Variants in HMGCLL1 observed in about 807,000 individuals in gnomAD.
HMGCLL1 encodes the protein 3-hydroxy-3-methylglutaryl-CoA lyase like 1, also known as 3-hydroxymethyl-3-methylglutaryl-CoA lyase, cytoplasmic.
HMGCLL1 carries 36 observed loss-of-function variants against 39.1 expected under a neutral mutation model. That is an observed-to-expected ratio of 0.92 (90% CI 0.71 to 1.22). The LOEUF (loss-of-function observed/expected upper bound fraction) is 1.22. HMGCLL1 is among the 50% of genes most tolerant of loss of function. HMGCLL1 has a pLI of 0.00. For synonymous variants in HMGCLL1, 149 were observed against 144.0 expected, an observed-to-expected ratio of 1.03 and a Z score of -0.25; for missense variants, 451 against 416.5, an observed-to-expected ratio of 1.08 and a Z score of -0.72.
intron 3 of HMGCLL1, among the ~76,000 whole-genome samples, chr6:55,521,267 A>G (rs1227660144): frequency 6.6e-6 from 1 of 152,122 alleles, no homozygotes; most frequent in Non-Finnish European, 1.5e-5. Context: ...GATAATGCAT[A>G]TGAGAATGCA....
the HMGCLL1 span, among the ~76,000 whole-genome samples, chr6:55,646,406 T>A: frequency 5.5e-3 from 839 of 151,940 alleles, 2 homozygotes; most frequent in Non-Finnish European, 7.7e-3. Flanking sequence ...TTGTCTGATC[T>A]TTATTATTTC....
At chr6:55,490,983 T>G in intron 7 of HMGCLL1, among the ~76,000 whole-genome samples, 1 of 152,134 alleles carries the variant, frequency 6.6e-6, no homozygotes, top group East Asian at 1.9e-4. Flanking sequence ...TTCAGACTTC[T>G]GTGGCTCAGG....
the HMGCLL1 span, among the ~76,000 whole-genome samples, chr6:55,622,571 G>T: frequency 6.6e-6 from 1 of 151,950 alleles, no homozygotes; most frequent in Non-Finnish European, 1.5e-5. Flanking sequence ...TGATTGATTT[G>T]TGCATGTTGA....
intron 5 of HMGCLL1, 88 bp from the exon 6 acceptor site, chr6:55,499,387 T>C: frequency 3.0e-6 from 3 of 983,698 alleles, no homozygotes; most frequent in Non-Finnish European, 4.5e-6. Flanking sequence ...TGAAACTGCA[T>C]CAAGAAAATT....
the HMGCLL1 span, among the ~76,000 whole-genome samples, chr6:55,666,132 C>T: frequency 6.6e-6 from 1 of 151,456 alleles, no homozygotes; most frequent in Non-Finnish European, 1.5e-5. Flanking sequence ...TCTATAAACC[C>T]TCTTTTTTTT....
At chr6:55,464,658 A>T (rs1220782875) in intron 7 of HMGCLL1, among the ~76,000 whole-genome samples, 1 of 152,090 alleles carries the variant, frequency 6.6e-6, no homozygotes, top group East Asian at 1.9e-4. Context: ...TCAAATTCCT[A>T]CCAGTTTAAG....
the HMGCLL1 span, among the ~76,000 whole-genome samples, chr6:55,617,537 T>A: frequency 6.6e-6 from 1 of 152,086 alleles, no homozygotes; most frequent in African/African-American, 2.4e-5. Flanking sequence ...ACTGAAGATA[T>A]CATACTAAGC....
chr6:55,674,444 G>A, the HMGCLL1 span, among the ~76,000 whole-genome samples: 1 of 151,602 alleles, frequency 6.6e-6, no homozygotes, highest in African/African-American at 2.4e-5. Flanking sequence ...TTTAATTTAG[G>A]TCATTGGTAA....
At chr6:55,469,010 C>T (rs1323431564) in intron 7 of HMGCLL1, among the ~76,000 whole-genome samples, 2 of 151,670 alleles carry the variant, frequency 1.3e-5, no homozygotes, top group Non-Finnish European at 2.9e-5. Context: ...CTATGTAGGC[C>T]TCTATTTGAT....
intron 1 of HMGCLL1, among the ~76,000 whole-genome samples, chr6:55,571,575 G>A (rs550044446): frequency 2.6e-5 from 4 of 152,228 alleles, no homozygotes; most frequent in Admixed American, 2.0e-4. Context: ...GGAGGCCGGG[G>A]CAGGCAGATC....
chr6:55,614,400 C>A, the HMGCLL1 span, among the ~76,000 whole-genome samples: 126 of 152,208 alleles, frequency 8.3e-4, no homozygotes, highest in Middle Eastern at 3.4e-3. Flanking sequence ...AGGCCCTCAC[C>A]AAACACTGAA....
the HMGCLL1 span, among the ~76,000 whole-genome samples, chr6:55,608,196 C>G: frequency 6.6e-6 from 1 of 152,212 alleles, no homozygotes; most frequent in South Asian, 2.1e-4. Context: ...ACTACTTTTT[C>G]TGATCTTCCT....
the HMGCLL1 span, among the ~76,000 whole-genome samples, chr6:55,676,005 T>C: frequency 6.6e-6 from 1 of 152,168 alleles, no homozygotes; most frequent in Non-Finnish European, 1.5e-5. Context: ...TGGATGCTTA[T>C]CTGGCCACCT....
the HMGCLL1 span, among the ~76,000 whole-genome samples, chr6:55,623,583 AC>A: frequency 6.6e-6 from 1 of 151,582 alleles, no homozygotes; most frequent in African/African-American, 2.4e-5. Context: ...ACAATGGAGC[AC>A]CCAGATATAC....
At chr6:55,528,808 G>A (rs1275291671) in intron 3 of HMGCLL1, among the ~76,000 whole-genome samples, 1 of 151,804 alleles carries the variant, frequency 6.6e-6, no homozygotes, top group Admixed American at 6.6e-5. Flanking sequence ...AAGGACCTCT[G>A]TACTGCCCTC....
chr6:55,639,276 A>G, the HMGCLL1 span, among the ~76,000 whole-genome samples: 2 of 151,880 alleles, frequency 1.3e-5, no homozygotes. Context: ...TGCTGCTACT[A>G]GCAGGACAGT....
chr6:55,647,789 T>C, the HMGCLL1 span, among the ~76,000 whole-genome samples: 3 of 133,280 alleles, frequency 2.3e-5, no homozygotes, highest in South Asian at 7.1e-4. Flanking sequence ...TTTATTATAC[T>C]CTAAGTTTTA....
intron 7 of HMGCLL1, among the ~76,000 whole-genome samples, chr6:55,474,590 C>T (rs1367732399): frequency 2.6e-5 from 4 of 151,564 alleles, no homozygotes; most frequent in African/African-American, 9.7e-5. Flanking sequence ...TTCCCTGTCT[C>T]ATCATTCCAA....
chr6:55,586,724 CTCA>C, the HMGCLL1 span, among the ~76,000 whole-genome samples: 54 of 152,012 alleles, frequency 3.6e-4, no homozygotes, highest in African/African-American at 1.2e-3. Flanking sequence ...AGGACATGAA[CTCA>C]TCATTTTTTA....
Sources: allele counts gnomAD v4.1 joint callset (sites outside exome capture counted in the v4.1 genomes callset), GRCh38; gene constraint gnomAD v4.1.1; transcripts MANE v1.5; gene names NCBI Gene and HGNC (gene_info 2026-07-23, HGNC 2026-07-21).